The following ZHX3 variants were observed in gnomAD, a reference collection of about 807,000 sequenced individuals.
The protein encoded by ZHX3 is zinc fingers and homeoboxes 3, also known as zinc fingers and homeoboxes protein 3.
Under a neutral mutation model 64.5 loss-of-function variants are expected in ZHX3, and 20 were observed. The ratio of observed to expected loss-of-function variants is 0.31; its 90% confidence interval spans 0.22 to 0.45. ZHX3 has a LOEUF of 0.45. Among genes scored for constraint, ZHX3 ranks in the 20% least tolerant of loss-of-function variants. ZHX3 has a pLI of 1.00. For missense variants in ZHX3, 1,041 were observed against 1,195.8 expected, an observed-to-expected ratio of 0.87 and a Z score of 1.91; for synonymous variants, 423 against 461.6, an observed-to-expected ratio of 0.92 and a Z score of 1.07.
chr20:41,245,738 AT>A (rs1417683189), intron 2 of ZHX3, among the ~76,000 whole-genome samples: 2 of 152,178 alleles, frequency 1.3e-5, no homozygotes, highest in African/African-American at 4.8e-5. Context: ...TTAGATCTTA[AT>A]TTTTTCTTAA....
intron 3 of ZHX3, among the ~76,000 whole-genome samples, chr20:41,196,456 A>AT (rs1490251627): frequency 2.7e-4 from 1 of 3,680 alleles, no homozygotes; most frequent in Non-Finnish European, 6.8e-4. Flanking sequence ...TATATAATAT[A>AT]TTTATATATA....
intron 1 of ZHX3, among the ~76,000 whole-genome samples, chr20:41,314,907 C>A (rs1019561618): frequency 2.0e-5 from 3 of 152,082 alleles, no homozygotes; most frequent in East Asian, 1.9e-4. Context: ...AGTTTCTGAG[C>A]CCTGAGGATA....
At chr20:41,247,971 A>G (rs1195862011) in intron 2 of ZHX3, among the ~76,000 whole-genome samples, 1 of 152,196 alleles carries the variant, frequency 6.6e-6, no homozygotes, top group African/African-American at 2.4e-5. Flanking sequence ...GGCCTACAGT[A>G]TAAATTCCTA....
intron 3 of ZHX3, chr20:41,196,587 T>TTA (rs1254634513): frequency 8.9e-5 from 8 of 89,540 alleles, no homozygotes; most frequent in Non-Finnish European, 1.4e-4. Flanking sequence ...ATATATATAT[T>TTA]TATATATATA....
intron 1 of ZHX3, among the ~76,000 whole-genome samples, chr20:41,270,511 T>C (rs936231804): frequency 4.6e-5 from 7 of 151,490 alleles, no homozygotes; most frequent in Non-Finnish European, 8.8e-5. Flanking sequence ...CTGTCTCTAC[T>C]AAAAATACAA....
chr20:41,251,009 A>C (rs1016541185), intron 2 of ZHX3, among the ~76,000 whole-genome samples: 2 of 152,122 alleles, frequency 1.3e-5, no homozygotes, highest in Non-Finnish European at 2.9e-5. Context: ...ATAACAAATA[A>C]AATTAAAAAA....
At chr20:41,277,757 A>G (rs1475034699) in intron 1 of ZHX3, among the ~76,000 whole-genome samples, 1 of 139,252 alleles carries the variant, frequency 7.2e-6, no homozygotes, top group South Asian at 2.6e-4. Context: ...ATGCCTGGCT[A>G]ATTTTTTGTA....
intron 2 of ZHX3, among the ~76,000 whole-genome samples, chr20:41,238,974 A>C (rs2146435093): frequency 6.8e-6 from 1 of 146,612 alleles, no homozygotes; most frequent in South Asian, 2.1e-4. Context: ...GATGAAAACA[A>C]GGGCCTATTT....
chr20:41,237,615 G>A (rs554705833), intron 2 of ZHX3, among the ~76,000 whole-genome samples: 1 of 152,302 alleles, frequency 6.6e-6, no homozygotes, highest in African/African-American at 2.4e-5. Context: ...GCCTGTTGTG[G>A]GGTAGGAGGA....
chr20:41,238,328 T>C (rs1001108164), intron 2 of ZHX3, among the ~76,000 whole-genome samples: 4 of 151,830 alleles, frequency 2.6e-5, no homozygotes, highest in African/African-American at 9.7e-5. Context: ...TCTAACAGAG[T>C]TTGAGTAACA....
At chr20:41,290,921 C>A (rs768626123) in intron 1 of ZHX3, among the ~76,000 whole-genome samples, 7 of 152,198 alleles carry the variant, frequency 4.6e-5, no homozygotes, top group Non-Finnish European at 8.8e-5. Context: ...GCAATGCTAA[C>A]TTGTAGTTTG....
intron 1 of ZHX3, chr20:41,272,417 C>A (rs953068262): frequency 6.6e-6 from 1 of 152,136 alleles, no homozygotes; most frequent in African/African-American, 2.4e-5. Context: ...TGGCATTTAG[C>A]ACATTCACAG....
intron 1 of ZHX3, among the ~76,000 whole-genome samples, chr20:41,305,906 G>T (rs988695013): frequency 6.6e-6 from 1 of 152,026 alleles, no homozygotes; most frequent in African/African-American, 2.4e-5. Context: ...TATTTACAAA[G>T]AATACTTTTT....
At chr20:41,283,322 T>C (rs1320701205) in intron 1 of ZHX3, among the ~76,000 whole-genome samples, 1 of 152,130 alleles carries the variant, frequency 6.6e-6, no homozygotes, top group Non-Finnish European at 1.5e-5. Context: ...CCAGCTGTGG[T>C]AGAGCTTCCC....
intron 2 of ZHX3, among the ~76,000 whole-genome samples, chr20:41,225,549 G>A (rs529410712): frequency 1.9e-4 from 29 of 152,248 alleles, no homozygotes; most frequent in African/African-American, 6.7e-4. Context: ...GTACAGTGGC[G>A]TGATCTTGAC....
At chr20:41,295,952 A>G (rs1025192547) in intron 1 of ZHX3, among the ~76,000 whole-genome samples, 1 of 152,202 alleles carries the variant, frequency 6.6e-6, no homozygotes, top group Non-Finnish European at 1.5e-5. Context: ...TGACACACAC[A>G]GTTTGATCTT....
At chr20:41,209,223 A>G (rs866562565) in intron 2 of ZHX3, among the ~76,000 whole-genome samples, 3 of 152,222 alleles carry the variant, frequency 2.0e-5, no homozygotes, top group Admixed American at 6.5e-5. Flanking sequence ...TTCCATGCTC[A>G]TGGATAGGAA....
chr20:41,263,526 C>T (rs1474897850), intron 2 of ZHX3, among the ~76,000 whole-genome samples: 1 of 151,736 alleles, frequency 6.6e-6, no homozygotes, highest in African/African-American at 2.4e-5. Flanking sequence ...TCCAGAGTAG[C>T]TGGGACTACA....
chr20:41,287,872 T>A (rs1418618449), intron 1 of ZHX3, among the ~76,000 whole-genome samples: 1 of 152,218 alleles, frequency 6.6e-6, no homozygotes, highest in Non-Finnish European at 1.5e-5. Flanking sequence ...AGATGCTACT[T>A]TGAGTCATTT....
Sources: gnomAD v4.1 joint callset for allele counts (sites outside exome capture counted in the v4.1 genomes callset) on GRCh38, gnomAD v4.1.1 for gene constraint, MANE v1.5 for transcripts, NCBI Gene and HGNC (gene_info 2026-07-23, HGNC 2026-07-21) for gene names.